SEMA3D: variants seen among roughly 807,000 people sequenced by gnomAD.
SEMA3D encodes semaphorin-3D.
A neutral mutation model predicts 100.1 loss-of-function variants in SEMA3D; 84 were observed. That is an observed-to-expected ratio of 0.84 (90% CI 0.70 to 1.01). SEMA3D has a LOEUF of 1.01. Ranked by LOEUF, SEMA3D falls within the 50% of genes least tolerant of loss-of-function variation. The pLI is 0.00. For missense variants in SEMA3D, 875 were observed against 934.1 expected, an observed-to-expected ratio of 0.94 and a Z score of 0.82; for synonymous variants, 312 against 320.7, an observed-to-expected ratio of 0.97 and a Z score of 0.29.
At chr7:85,182,035 G>A (rs1446791184) in intron 1 of SEMA3D, among the ~76,000 whole-genome samples, 2 of 151,962 alleles carry the variant, frequency 1.3e-5, no homozygotes, top group East Asian at 1.9e-4. Context: ...CAAAAGTGTT[G>A]CAATTGTTTA....
rs370241933 is a variant in SEMA3D, at chr7:85,009,096, G to A, written c.1769-2155C>T. ...TTCTATCATGACCTAAATTTTAAAT[G>A]TGTAAAAGTTATATACCATAGTGTT... On this transcript the variant is annotated intron_variant, in intron 17 of 18. Transcript: ENST00000284136. Among the ~76,000 whole-genome samples the A allele has an allele frequency of 4.6e-5, 7 of 151,570 alleles. No individual in the cohort carries two copies. In the East Asian group the frequency reaches 5.8e-4, roughly 13 times the overall value.
At chr7:85,220,579 G>A in the SEMA3D span, among the ~76,000 whole-genome samples, 2 of 152,000 alleles carry the variant, frequency 1.3e-5, no homozygotes, top group African/African-American at 4.8e-5. Context: ...ATTTTGGGCA[G>A]CTAATTAAAC....
At chr7:85,199,000 C>T in the SEMA3D span, among the ~76,000 whole-genome samples, 3 of 151,674 alleles carry the variant, frequency 2.0e-5, no homozygotes, top group Non-Finnish European at 2.9e-5. Flanking sequence ...TTTTCGTTAA[C>T]ATTAGTTTTC....
chr7:85,143,127 T>C (rs915732497), intron 2 of SEMA3D: 14 of 978,072 alleles, frequency 1.4e-5, no homozygotes, highest in African/African-American at 3.5e-5. Flanking sequence ...GCTATCATGG[T>C]ACAACACACA....
chr7:85,045,614 G>A (rs1419754527), intron 9 of SEMA3D, among the ~76,000 whole-genome samples: 5 of 151,764 alleles, frequency 3.3e-5, no homozygotes, highest in Admixed American at 2.6e-4. Flanking sequence ...TGTTTTTAAT[G>A]CCAATATCCT....
the SEMA3D span, among the ~76,000 whole-genome samples, chr7:85,201,209 C>T: frequency 6.6e-6 from 1 of 152,100 alleles, no homozygotes; most frequent in Non-Finnish European, 1.5e-5. Flanking sequence ...TGGTTTCCAC[C>T]ATTTGCTCTC....
intron 2 of SEMA3D, chr7:85,151,525 G>A (rs1235102846): frequency 5.0e-6 from 3 of 595,570 alleles, no homozygotes; most frequent in Non-Finnish European, 6.3e-6. Context: ...CAGAACTAGG[G>A]ATTAGACAAT....
chr7:85,181,156 T>C (rs1170315596), intron 1 of SEMA3D, among the ~76,000 whole-genome samples: 1 of 152,210 alleles, frequency 6.6e-6, no homozygotes, highest in East Asian at 1.9e-4. Context: ...ATAGGGATCC[T>C]CAGGCTTATC....
intron 6 of SEMA3D, among the ~76,000 whole-genome samples, chr7:85,071,199 G>T (rs1791764198): frequency 6.6e-6 from 1 of 152,158 alleles, no homozygotes; most frequent in South Asian, 2.1e-4. Context: ...CCTATGCTAT[G>T]AGCTAATGTT....
At chr7:85,219,254 A>G in the SEMA3D span, among the ~76,000 whole-genome samples, 1 of 152,174 alleles carries the variant, frequency 6.6e-6, no homozygotes, top group African/African-American at 2.4e-5. Flanking sequence ...GTAAAGAAAA[A>G]GAAATAAAAC....
At chr7:85,042,882 T>C (rs768023075) in intron 9 of SEMA3D, among the ~76,000 whole-genome samples, 4 of 152,200 alleles carry the variant, frequency 2.6e-5, no homozygotes, top group African/African-American at 7.2e-5. Context: ...AAAAAGTCTA[T>C]AAAATGCTTA....
intron 8 of SEMA3D, among the ~76,000 whole-genome samples, chr7:85,060,268 G>C (rs1562801089): frequency 6.6e-6 from 1 of 152,144 alleles, no homozygotes; most frequent in East Asian, 1.9e-4. Context: ...GCTTTATTCT[G>C]TGATTTAAAT....
intron 6 of SEMA3D, among the ~76,000 whole-genome samples, chr7:85,069,090 T>C (rs1250732491): frequency 6.6e-6 from 1 of 152,172 alleles, no homozygotes; most frequent in African/African-American, 2.4e-5. Flanking sequence ...GAAAGGATGA[T>C]GACTCACTCT....
At chr7:85,100,608 AC>A (rs1788715685) in intron 3 of SEMA3D, among the ~76,000 whole-genome samples, 1 of 151,936 alleles carries the variant, frequency 6.6e-6, no homozygotes, top group African/African-American at 2.4e-5. Context: ...GGATATAGGC[AC>A]TAAGGTAATT....
chr7:85,124,173 AAT>A (rs1246310724), intron 2 of SEMA3D, among the ~76,000 whole-genome samples: 1 of 152,070 alleles, frequency 6.6e-6, no homozygotes, highest in Non-Finnish European at 1.5e-5. Flanking sequence ...ATTAGATTTG[AAT>A]ATATGAGTTT....
the SEMA3D span, among the ~76,000 whole-genome samples, chr7:85,231,681 A>G: frequency 6.6e-6 from 1 of 152,012 alleles, no homozygotes. Context: ...CGATCTCCTG[A>G]CTTTGTGATC....
chr7:85,039,095 G>A (rs769486862), intron 11 of SEMA3D, among the ~76,000 whole-genome samples: 39 of 152,144 alleles, frequency 2.6e-4, no homozygotes, highest in Non-Finnish European at 5.3e-4. Context: ...TAAAGTTTGA[G>A]AGCAGAGCTG....
At chr7:85,029,402 T>C in intron 12 of SEMA3D, 2 of 860,212 alleles carry the variant, frequency 2.3e-6, no homozygotes, top group Admixed American at 1.7e-5. Flanking sequence ...GTGTTCAACA[T>C]GAAAGCAACT....
At chr7:85,091,169 GGAAA>G (rs1400586845) in intron 4 of SEMA3D, among the ~76,000 whole-genome samples, 1 of 121,860 alleles carries the variant, frequency 8.2e-6, no homozygotes, top group East Asian at 2.2e-4. Context: ...AAGGAAGGAA[GGAAA>G]GAAGGAAGGA....
Sources: gnomAD v4.1 joint callset for allele counts (sites outside exome capture counted in the v4.1 genomes callset) on GRCh38, gnomAD v4.1.1 for gene constraint, MANE v1.5 for transcripts, NCBI Gene and HGNC (gene_info 2026-07-23, HGNC 2026-07-21) for gene names.